Variants in ABAT observed in about 807,000 individuals in gnomAD.
The protein encoded by ABAT is 4-aminobutyrate aminotransferase.
ABAT carries 45 observed loss-of-function variants against 64.6 expected under a neutral mutation model. That is an observed-to-expected ratio of 0.70 (90% CI 0.55 to 0.89). ABAT has a LOEUF of 0.89. ABAT is among the 40% of genes least tolerant of loss of function. The pLI, the probability that ABAT is intolerant of heterozygous loss-of-function variation, is 0.00. For synonymous variants in ABAT, 297 were observed against 250.5 expected, an observed-to-expected ratio of 1.19 and a Z score of -1.75; for missense variants, 633 against 658.4, an observed-to-expected ratio of 0.96 and a Z score of 0.42.
At chr16:8,724,266 C>A (rs966723962) in intron 1 of ABAT, among the ~76,000 whole-genome samples, 1 of 152,048 alleles carries the variant, frequency 6.6e-6, no homozygotes, top group African/African-American at 2.4e-5. Context: ...CCCTGAAAAC[C>A]TAAAAGAGTG....
At chr16:8,736,032 G>A in intron 2 of ABAT, 1 of 535,622 alleles carries the variant, frequency 1.9e-6, no homozygotes, top group Non-Finnish European at 3.4e-6. Context: ...AGTTTCATAT[G>A]GCTGGGGAGG....
chr16:8,709,826 C>CTTTTT (rs35255805), intron 1 of ABAT, among the ~76,000 whole-genome samples: 1 of 146,010 alleles, frequency 6.8e-6, no homozygotes, highest in Non-Finnish European at 1.5e-5. Flanking sequence ...AGTCAGTTAA[C>CTTTTT]TTTTTTTTTT....
intron 1 of ABAT, among the ~76,000 whole-genome samples, chr16:8,676,974 C>T (rs1471321583): frequency 1.3e-5 from 2 of 152,156 alleles, no homozygotes; most frequent in African/African-American, 2.4e-5. Context: ...CTGTTTCTGC[C>T]CCCACCCAGT....
chr16:8,742,215 G>T (rs2059182546), intron 2 of ABAT, among the ~76,000 whole-genome samples: 1 of 152,074 alleles, frequency 6.6e-6, no homozygotes, highest in Admixed American at 6.5e-5. Flanking sequence ...CATTATCGCA[G>T]TTCCACTTGA....
rs1215589973 is a variant in ABAT at position 8,732,200 on chromosome 16, TTTTTTTTTGTTTGTTTG to T, written c.-41-3491_-41-3475del. Among the ~76,000 whole-genome samples, 69 of 17,450 alleles carry T rather than the reference TTTTTTTTTGTTTGTTTG, an allele frequency of 4.0e-3. 1 individual carries two copies. Among genetic ancestry groups the T allele is most frequent in the East Asian group, 0.017 (2 of 120 alleles). 11.4% of individuals were successfully genotyped at this position (17,450 alleles called of 152,430 possible). A position where few individuals can be genotyped will look rare whatever the true frequency, so the allele number is the denominator to read the frequency against. Reference sequence around the variant, plus strand: ...TGACTACTTTAGGTTTTTTTTGTTTTTTTTTTTTGTTTGTTTGTTTTTTTAATTTATTTATTTTTTAT... The same window carrying T: ...TGACTACTTTAGGTTTTTTTTGTTTTTTTTTTTAATTTATTTATTTTTTAT... On this transcript the variant is annotated intron_variant, in intron 1 of 15. Transcript: ENST00000268251.
At chr16:8,734,042 G>A (rs902640445) in intron 1 of ABAT, among the ~76,000 whole-genome samples, 15 of 152,084 alleles carry the variant, frequency 9.9e-5, no homozygotes, top group African/African-American at 2.9e-4. Flanking sequence ...TCTGTCAATG[G>A]ACGTCTAGGT....
chr16:8,757,764 C>T lies in ABAT; in HGVS notation c.324C>T (p.Ser108=). The T allele has an allele frequency of 6.2e-7, 1 of 1,614,068 alleles. No homozygotes were observed. The highest frequency in any genetic ancestry group is 2.2e-5 in the East Asian group (1 of 44,874). Residue 108 remains serine, a synonymous_variant, in exon 6 of 16, where the codon AGC becomes AGT. Coordinates refer to ENST00000268251, the MANE Select transcript of ABAT (RefSeq NM_020686.6). ...SQISSVPIGY[S]HPALLKLIQQ... ...ATACTCTCCTGCCCTCAGGTTACAG[C>T]CACCCCGCCCTGCTGAAACTCATCC...
At chr16:8,771,835 A>G (rs998260140) in intron 11 of ABAT, among the ~76,000 whole-genome samples, 1 of 151,856 alleles carries the variant, frequency 6.6e-6, no homozygotes, top group African/African-American at 2.4e-5. Context: ...GTGTGGTCAT[A>G]GCTCACTGCG....
intron 6 of ABAT, among the ~76,000 whole-genome samples, chr16:8,763,104 CAAA>C (rs60199249): frequency 5.1e-4 from 60 of 117,516 alleles, no homozygotes; most frequent in Middle Eastern, 8.6e-3. Context: ...GACCCTGTAA[CAAA>C]AAAAAAAAAA....
At chr16:8,729,076 G>C (rs1596429327) in intron 1 of ABAT, among the ~76,000 whole-genome samples, 1 of 152,118 alleles carries the variant, frequency 6.6e-6, no homozygotes, top group South Asian at 2.1e-4. Flanking sequence ...GGAGGCCAAG[G>C]CAGGCAGATT....
intron 1 of ABAT, chr16:8,722,920 C>T (rs1014952107): frequency 8.0e-7 from 1 of 1,244,424 alleles, no homozygotes; most frequent in African/African-American, 1.5e-5. Flanking sequence ...TCAGGTGTTT[C>T]TTAGAGTCCG....
At chr16:8,748,070 T>C in intron 3 of ABAT, 38 bp from the exon 4 acceptor site, 1 of 1,606,392 alleles carries the variant, frequency 6.2e-7, no homozygotes. Context: ...GGCAAGAGTG[T>C]GGACTTGCTA....
intron 1 of ABAT, among the ~76,000 whole-genome samples, chr16:8,687,465 G>GAGC (rs2057481968): frequency 2.6e-5 from 4 of 152,126 alleles, no homozygotes; most frequent in South Asian, 4.1e-4. Context: ...GTCGGAGGTT[G>GAGC]CAATGAGCCG....
chr16:8,762,736 G>C (rs2059833445), intron 6 of ABAT, among the ~76,000 whole-genome samples: 1 of 152,250 alleles, frequency 6.6e-6, no homozygotes, highest in Middle Eastern at 3.4e-3. Flanking sequence ...GGGCCAGCTT[G>C]CTTCCACCCT....
At chr16:8,754,980 A>C (rs1436723956) in intron 5 of ABAT, among the ~76,000 whole-genome samples, 1 of 152,018 alleles carries the variant, frequency 6.6e-6, no homozygotes, top group African/African-American at 2.4e-5. Flanking sequence ...CGGCCTCCCA[A>C]GTGAGATTCC....
At chr16:8,723,825 ATATTTTTTTT>A (rs2058451173) in intron 1 of ABAT, among the ~76,000 whole-genome samples, 1 of 51,156 alleles carries the variant, frequency 2.0e-5, no homozygotes, top group South Asian at 7.0e-4. Flanking sequence ...ATATATATAT[ATATTTTTTTT>A]TTTTTTTTTT....
intron 1 of ABAT, among the ~76,000 whole-genome samples, chr16:8,681,788 C>T (rs887553745): frequency 6.6e-6 from 1 of 151,846 alleles, no homozygotes; most frequent in Admixed American, 6.6e-5. Flanking sequence ...ATTACAGGCA[C>T]CCGCCACCAC....
At chr16:8,773,433 T>G (rs560073776) in intron 12 of ABAT, among the ~76,000 whole-genome samples, 51 of 152,058 alleles carry the variant, frequency 3.4e-4, no homozygotes, top group African/African-American at 1.2e-3. Flanking sequence ...ATTACAGGCC[T>G]GAGCCACCAC....
At chr16:8,729,295 C>T (rs2058649994) in intron 1 of ABAT, among the ~76,000 whole-genome samples, 1 of 131,012 alleles carries the variant, frequency 7.6e-6, no homozygotes, top group Non-Finnish European at 1.6e-5. Context: ...CAGAGCCAGA[C>T]CCTGTCTCAA....
Sources: gnomAD v4.1 joint callset for allele counts (sites outside exome capture counted in the v4.1 genomes callset) on GRCh38, gnomAD v4.1.1 for gene constraint, MANE v1.5 for transcripts, NCBI Gene and HGNC (gene_info 2026-07-23, HGNC 2026-07-21) for gene names.